DDC: variants seen among roughly 807,000 people sequenced by gnomAD.
DDC encodes aromatic-L-amino-acid decarboxylase.
A neutral mutation model predicts 60.0 loss-of-function variants in DDC; 43 were observed. The ratio of observed to expected loss-of-function variants is 0.72; its 90% CI spans 0.56 to 0.92. DDC has a LOEUF of 0.92. Among genes scored for constraint, DDC ranks in the 40% least tolerant of loss-of-function variants. The probability of loss-of-function intolerance (pLI) is 0.00; values close to 1 mark genes in which losing one functional copy is unlikely to be tolerated. For synonymous variants in DDC, 232 were observed against 234.6 expected (o/e 0.99, Z 0.10); for missense variants, 573 against 620.2 (o/e 0.92, Z 0.81).
chr7:50,546,804 A>G (rs1393727765), intron 1 of DDC, among the ~76,000 whole-genome samples: 1 of 152,252 alleles, frequency 6.6e-6, no homozygotes, highest in East Asian at 1.9e-4. Context: ...ATTGAGACGT[A>G]AGATTAGACT....
intron 11 of DDC, among the ~76,000 whole-genome samples, chr7:50,471,987 A>G (rs542449475): frequency 4.6e-5 from 7 of 152,282 alleles, no homozygotes; most frequent in African/African-American, 1.7e-4. Flanking sequence ...ACCAAGGTAA[A>G]CTTAATTTCT....
intron 9 of DDC, among the ~76,000 whole-genome samples, chr7:50,488,417 A>G (rs1384615951): frequency 1.3e-5 from 2 of 152,056 alleles, no homozygotes; most frequent in Non-Finnish European, 2.9e-5. Context: ...ATGCAAAAAA[A>G]GTTATAAATA....
chr7:50,506,573 G>A lies in DDC; in HGVS notation c.715-2514C>T, dbSNP rs186614183. ...TCTAGGAAACCCCTCTCCCTGAGAAGGGCAGTCCCTCCAGGGTCAGCAAGA... is the reference window on the plus strand; with the variant it reads ...TCTAGGAAACCCCTCTCCCTGAGAAAGGCAGTCCCTCCAGGGTCAGCAAGA... On this transcript the variant is annotated intron_variant, in intron 6 of 14. Transcript: ENST00000444124. Among the ~76,000 whole-genome samples the A allele has an allele frequency of 1.3e-3, 191 of 152,312 alleles. 1 individual carries two copies. The highest frequency in any genetic ancestry group is 4.4e-3 in the African/African-American group (182 of 41,578).
chr7:50,535,595 G>A (rs766966357), intron 4 of DDC, among the ~76,000 whole-genome samples: 8 of 152,330 alleles, frequency 5.3e-5, no homozygotes, highest in Non-Finnish European at 8.8e-5. Flanking sequence ...CATCAGTCCC[G>A]GCATGTGGCC....
chr7:50,559,498 G>A (rs1166320503), intron 1 of DDC, among the ~76,000 whole-genome samples: 6 of 150,762 alleles, frequency 4.0e-5, no homozygotes, highest in Non-Finnish European at 8.8e-5. Context: ...CATGATCTCA[G>A]CTCACTGCAA....
intron 7 of DDC, among the ~76,000 whole-genome samples, chr7:50,500,668 G>A (rs1029490476): frequency 6.6e-6 from 1 of 152,196 alleles, no homozygotes; most frequent in African/African-American, 2.4e-5. Flanking sequence ...CTCGGTTCAG[G>A]TCCACACTGC....
At chr7:50,495,465 G>T in intron 8 of DDC, 48 bp from the exon 9 acceptor site, 3 of 1,398,876 alleles carry the variant, frequency 2.1e-6, no homozygotes, top group Non-Finnish European at 3.0e-6. Flanking sequence ...CTTTATAAAT[G>T]TTTAATTATA....
chr7:50,483,063 T>C (rs141053408), intron 9 of DDC, among the ~76,000 whole-genome samples: 1,660 of 152,226 alleles, frequency 0.011, 26 homozygotes, highest in African/African-American at 0.031. Flanking sequence ...GAAGTGCAGA[T>C]TATGGGAATC....
At chr7:50,466,948 G>A (rs186722546) in intron 13 of DDC, among the ~76,000 whole-genome samples, 264 of 152,370 alleles carry the variant, frequency 1.7e-3, no homozygotes, top group African/African-American at 5.8e-3. Flanking sequence ...GAGCCTTGAG[G>A]AAGGAAAAAT....
At chr7:50,539,102 T>C (rs920969483) in intron 3 of DDC, 6 of 152,442 alleles carry the variant, frequency 3.9e-5, no homozygotes, top group African/African-American at 1.4e-4. Context: ...ACAGCTCCTT[T>C]ACACATCACA....
intron 4 of DDC, 40 bp downstream of exon 4, chr7:50,537,820 C>T: frequency 6.2e-7 from 1 of 1,613,750 alleles, no homozygotes; most frequent in Non-Finnish European, 8.5e-7. Context: ...TGTGCAGAGC[C>T]CATGCATCCC....
chr7:50,472,130 C>A (rs1434357303), intron 11 of DDC, among the ~76,000 whole-genome samples: 1 of 152,164 alleles, frequency 6.6e-6, no homozygotes, highest in East Asian at 1.9e-4. Flanking sequence ...TGGGTGCCTG[C>A]AGTAGACAGC....
chr7:50,495,079 A>T (rs1304567388), intron 9 of DDC, among the ~76,000 whole-genome samples: 1 of 152,216 alleles, frequency 6.6e-6, no homozygotes, highest in East Asian at 1.9e-4. Flanking sequence ...GTGTACTTGC[A>T]TTTGTTTTCT....
rs2153548501 is a variant in DDC at position 50,537,905 on chromosome 7, C to T, written c.390G>A (p.Lys130=). Residue 130 remains lysine (K), a synonymous_variant, in exon 4 of 15, where the codon AAG becomes AAA. Coordinates refer to ENST00000444124, the MANE Select transcript of DDC (RefSeq NM_001082971.2). ...DWLGKMLELP[K]AFLNEKAGEG... Reference sequence around the variant, plus strand: ...CTCCAGCTTTCTCATTCAAAAATGCCTTTGGTAGTTCCAGCATCTTCCCGA... The same window carrying T: ...CTCCAGCTTTCTCATTCAAAAATGCTTTTGGTAGTTCCAGCATCTTCCCGA... 1 of 1,614,170 alleles carries T rather than the reference C, an allele frequency of 6.2e-7. No homozygotes were observed. Among genetic ancestry groups the T allele is most frequent in the Non-Finnish European group, 8.5e-7 (1 of 1,180,038 alleles).
In DDC at chr7:50,504,942, C is replaced by T. The variant is rs1279796930; in HGVS notation, c.715-883G>A. Among the ~76,000 whole-genome samples, 5 of 152,302 alleles carry T rather than the reference C, an allele frequency of 3.3e-5. No individual in the cohort carries two copies. The East Asian group carries it at 9.6e-4, about 29-fold the overall frequency. ...TTCTCTTTCTGAATGATACTGTTCC[C>T]AAAGATTAATTAAATCCTCAGGAGG... On this transcript the variant is annotated intron_variant, in intron 6 of 14. Transcript: ENST00000444124.
chr7:50,523,687 T>C (rs1184001890), intron 6 of DDC, among the ~76,000 whole-genome samples: 1 of 152,166 alleles, frequency 6.6e-6, no homozygotes, highest in South Asian at 2.1e-4. Context: ...CTGACAAAGA[T>C]ATTGGAAAAC....
chr7:50,558,927 G>A (rs1022556219), intron 1 of DDC, among the ~76,000 whole-genome samples: 6 of 152,286 alleles, frequency 3.9e-5, no homozygotes, highest in East Asian at 3.9e-4. Context: ...TGCTGAGCCC[G>A]CAGACACACG....
chr7:50,482,187 G>T (rs1408595283), intron 9 of DDC, among the ~76,000 whole-genome samples: 5 of 152,196 alleles, frequency 3.3e-5, no homozygotes, highest in Non-Finnish European at 5.9e-5. Context: ...CAACAGTTCT[G>T]CAGTCTGCGA....
At chr7:50,467,071 C>A (rs1389871386) in intron 13 of DDC, 143 bp downstream of exon 13, 5 of 810,516 alleles carry the variant, frequency 6.2e-6, no homozygotes, top group African/African-American at 5.0e-5. Context: ...TGGGGCAGGG[C>A]AGGCCGGTGG....
Sources: allele counts gnomAD v4.1 joint callset (sites outside exome capture counted in the v4.1 genomes callset), GRCh38; gene constraint gnomAD v4.1.1; transcripts MANE v1.5; gene names NCBI Gene and HGNC (gene_info 2026-07-23, HGNC 2026-07-21).